The following CDIN1 variants were observed in gnomAD, a reference collection of about 807,000 sequenced individuals.
CDIN1 encodes the protein CDAN1 interacting nuclease 1, also known as CDAN1-interacting nuclease 1.
CDIN1 carries 33 observed loss-of-function variants against 45.3 expected under a neutral mutation model. The ratio of observed to expected loss-of-function variants is 0.73; its 90% CI spans 0.55 to 0.97. The LOEUF (loss-of-function observed/expected upper bound fraction) is 0.97. CDIN1 is among the 50% of genes least tolerant of loss of function. The probability of loss-of-function intolerance (pLI) is 0.00; values close to 1 mark genes in which losing one functional copy is unlikely to be tolerated. For missense variants in CDIN1, 303 were observed against 339.4 expected (o/e 0.89, Z 0.84); for synonymous variants, 118 against 124.4 (o/e 0.95, Z 0.34).
chr15:36,764,492 G>A (rs1445835689), intron 10 of CDIN1, among the ~76,000 whole-genome samples: 1 of 152,036 alleles, frequency 6.6e-6, no homozygotes, highest in Non-Finnish European at 1.5e-5. Flanking sequence ...ATGTTAATGG[G>A]GTTGTATGGA....
chr15:36,592,767 TA>T lies in CDIN1; in HGVS notation c.101+12809del, dbSNP rs888849472. Among the ~76,000 whole-genome samples, 9 of 152,092 alleles carry T rather than the reference TA, an allele frequency of 5.9e-5. No individual in the cohort carries two copies. The South Asian group carries it at 1.0e-3, about 18-fold the overall frequency. ...AAGAATGCTGCTTGATTTTTTTTTT[TA>T]AAGCCATATATACATGTCTCATTTA... is the stretch of plus-strand genomic sequence containing the variant. On this transcript the variant is annotated intron_variant, in intron 1 of 10. Transcript: ENST00000566621.
chr15:36,802,195 G>A (rs1274841909), intron 10 of CDIN1, among the ~76,000 whole-genome samples: 1 of 152,184 alleles, frequency 6.6e-6, no homozygotes, highest in Non-Finnish European at 1.5e-5. Context: ...TCTGTAAAAT[G>A]AGGATAGTCA....
At chr15:36,585,157 A>G (rs1374379264) in intron 1 of CDIN1, among the ~76,000 whole-genome samples, 1 of 152,184 alleles carries the variant, frequency 6.6e-6, no homozygotes. Context: ...TTTTGGGATA[A>G]TTTTAAGCTT....
Position 36,579,887 on chromosome 15 carries a change from C to CG in CDIN1, c.28dup (p.Glu10GlyfsTer44). The CG allele has an allele frequency of 1.2e-6, 2 of 1,613,970 alleles. No individual in the cohort carries two copies. Among genetic ancestry groups the CG allele is most frequent in the Non-Finnish European group, 1.7e-6 (2 of 1,179,876 alleles). On this transcript the variant is annotated frameshift_variant, in exon 1 of 11. Transcript: ENST00000566621. LOFTEE classifies it high-confidence loss of function. ...TGATACTGACCAAAGCTCAGTACGA[C>CG]GAGATAGCCCAGTGCCTAGTGTCTG...
At chr15:36,716,802 T>C (rs1221936909) in intron 10 of CDIN1, among the ~76,000 whole-genome samples, 1 of 152,152 alleles carries the variant, frequency 6.6e-6, no homozygotes, top group African/African-American at 2.4e-5. Flanking sequence ...AATAGTTGCT[T>C]TATGAAGAAA....
chr15:36,788,957 CATTTTCTAGAA>C (rs1198346119), intron 10 of CDIN1, among the ~76,000 whole-genome samples: 1 of 152,180 alleles, frequency 6.6e-6, no homozygotes. Context: ...AACAGACTCG[CATTTTCTAGAA>C]AGCATAAAGT....
At chr15:36,720,127 T>C (rs1021470753) in intron 10 of CDIN1, among the ~76,000 whole-genome samples, 1 of 151,144 alleles carries the variant, frequency 6.6e-6, no homozygotes, top group Non-Finnish European at 1.5e-5. Context: ...CATACATTAT[T>C]TTCTTTTTGT....
At chr15:36,585,838 G>A (rs6495845) in intron 1 of CDIN1, among the ~76,000 whole-genome samples, 55,452 of 151,920 alleles carry the variant, frequency 0.37, 10,285 homozygotes, top group Middle Eastern at 0.46. Context: ...AAAATTGGAA[G>A]TGTACAGTAG....
intron 10 of CDIN1, among the ~76,000 whole-genome samples, chr15:36,806,307 C>T (rs1049191739): frequency 2.6e-5 from 4 of 152,196 alleles, no homozygotes; most frequent in African/African-American, 4.8e-5. Context: ...TGTCATGCTT[C>T]GTGTCCTTTG....
chr15:36,614,025 T>A (rs2038771734), intron 1 of CDIN1: 2 of 1,260,124 alleles, frequency 1.6e-6, no homozygotes, highest in Non-Finnish European at 1.2e-6. Flanking sequence ...AAGACAAATA[T>A]GAGGAAGAGA....
At chr15:36,597,419 G>C (rs901623689) in intron 1 of CDIN1, among the ~76,000 whole-genome samples, 1 of 152,118 alleles carries the variant, frequency 6.6e-6, no homozygotes, top group Non-Finnish European at 1.5e-5. Context: ...TGTTAATGCT[G>C]GCACTCACTT....
chr15:36,603,947 A>C (rs1428474039), intron 1 of CDIN1, among the ~76,000 whole-genome samples: 1 of 152,194 alleles, frequency 6.6e-6, no homozygotes, highest in Non-Finnish European at 1.5e-5. Flanking sequence ...AATCATAGAG[A>C]TAGGACTTTT....
intron 10 of CDIN1, among the ~76,000 whole-genome samples, chr15:36,741,530 TC>T (rs34510886): frequency 6.6e-6 from 1 of 151,894 alleles, no homozygotes; most frequent in Non-Finnish European, 1.5e-5. Flanking sequence ...GGTCCTAGTT[TC>T]CTAGGGTGGT....
At chr15:36,701,888 T>G in intron 8 of CDIN1, 1 of 585,270 alleles carries the variant, frequency 1.7e-6, no homozygotes, top group South Asian at 2.2e-5. Flanking sequence ...GGATGTCCCT[T>G]GTCGTAAGAA....
intron 3 of CDIN1, chr15:36,648,652 G>A (rs2040451281): frequency 6.6e-6 from 1 of 151,920 alleles, no homozygotes; most frequent in South Asian, 2.1e-4. Flanking sequence ...GGATGGTCTC[G>A]ATCTCCTGAC....
At chr15:36,720,856 G>C (rs1023340258) in intron 10 of CDIN1, among the ~76,000 whole-genome samples, 3 of 152,178 alleles carry the variant, frequency 2.0e-5, no homozygotes, top group Non-Finnish European at 4.4e-5. Context: ...TCGCCATACT[G>C]TCTTCCACAA....
chr15:36,771,219 G>T (rs1352465079), intron 10 of CDIN1, among the ~76,000 whole-genome samples: 1 of 152,098 alleles, frequency 6.6e-6, no homozygotes, highest in Non-Finnish European at 1.5e-5. Context: ...GAGGGCTAGG[G>T]AAGGGATAGC....
At chr15:36,713,890 G>A (rs1391048990) in intron 10 of CDIN1, among the ~76,000 whole-genome samples, 2 of 152,116 alleles carry the variant, frequency 1.3e-5, no homozygotes, top group East Asian at 1.9e-4. Flanking sequence ...ACATGTCATC[G>A]CTTGTTTACT....
At chr15:36,724,055 C>T (rs1022172306) in intron 10 of CDIN1, among the ~76,000 whole-genome samples, 2 of 152,138 alleles carry the variant, frequency 1.3e-5, no homozygotes, top group African/African-American at 4.8e-5. Context: ...AGTATTTTAT[C>T]TCTGTTTCAT....
Sources: allele counts gnomAD v4.1 joint callset (sites outside exome capture counted in the v4.1 genomes callset), GRCh38; gene constraint gnomAD v4.1.1; transcripts MANE v1.5; gene names NCBI Gene and HGNC (gene_info 2026-07-23, HGNC 2026-07-21).